The following FAM107B variants were observed in gnomAD, a reference collection of about 807,000 sequenced individuals.
The protein encoded by FAM107B is protein FAM107B.
FAM107B carries 21 observed loss-of-function variants against 31.5 expected under a neutral mutation model. That is an observed-to-expected ratio of 0.67 (90% CI 0.47 to 0.96). The LOEUF (loss-of-function observed/expected upper bound fraction) is 0.96, where lower values mean the gene tolerates loss of function less well. Among genes scored for constraint, FAM107B ranks in the 40% least tolerant of loss-of-function variants. FAM107B has a pLI of 0.00. For synonymous variants in FAM107B, 157 were observed against 141.5 expected, an observed-to-expected ratio of 1.11 and a Z score of -0.78; for missense variants, 452 against 377.1, an observed-to-expected ratio of 1.20 and a Z score of -1.64.
Position 14,519,748 on chromosome 10 carries a change from GCTTT to G in FAM107B, c.*1438_*1441del, listed in dbSNP as rs1422268927. On this transcript the variant is annotated 3_prime_UTR_variant, in exon 5 of 5. Coordinates refer to ENST00000181796, the MANE Select transcript of FAM107B (RefSeq NM_031453.4). ...TAAGGATTCAAAAGCTCTAGATCCAGCTTTCTATGAGTCTTCAAAGAAAGTATGA... is the reference window on the plus strand; with the variant it reads ...TAAGGATTCAAAAGCTCTAGATCCAGCTATGAGTCTTCAAAGAAAGTATGA... The G allele has an allele frequency of 6.6e-6, 1 of 152,176 alleles. No individual in the cohort carries two copies. The highest frequency in any genetic ancestry group is 1.9e-4 in the East Asian group (1 of 5,200). The allele number at this position is 152,176 out of a possible 1,614,324, so 9.4% of individuals were successfully genotyped here. A position where few individuals can be genotyped will look rare whatever the true frequency, so the allele number is the denominator to read the frequency against.
intron 2 of FAM107B, among the ~76,000 whole-genome samples, chr10:14,563,323 T>G (rs1850397110): frequency 6.6e-6 from 1 of 152,136 alleles, no homozygotes; most frequent in African/African-American, 2.4e-5. Flanking sequence ...ATAAAGAAAA[T>G]TTCCCCCATG....
intron 1 of FAM107B, among the ~76,000 whole-genome samples, chr10:14,767,087 G>GAGAGAGAGAGAGAC (rs1187895434): frequency 9.0e-6 from 1 of 111,330 alleles, no homozygotes; most frequent in Non-Finnish European, 1.8e-5. Context: ...GAGAGAGAGA[G>GAGAGAGAGAGAGAC]AGAGAGAGAG....
intron 1 of FAM107B, among the ~76,000 whole-genome samples, chr10:14,756,156 C>A (rs1315237760): frequency 6.6e-6 from 1 of 152,092 alleles, no homozygotes; most frequent in Admixed American, 6.6e-5. Context: ...TCAGGGGGAG[C>A]TTTATGGTAT....
chr10:14,520,139 T>G lies in FAM107B; in HGVS notation c.*1051A>C, dbSNP rs897652196. On this transcript the variant is annotated 3_prime_UTR_variant, in exon 5 of 5. Coordinates refer to ENST00000181796, the MANE Select transcript of FAM107B (RefSeq NM_031453.4). ...AAATACATGAGCATTAATCAGAAAT[T>G]TTCAAAGCTTGGATTCTAATGATAT... 1.3e-5 allele frequency: 2 copies of G among 152,528 alleles called. No individual in the cohort carries two copies. The highest frequency in any genetic ancestry group is 2.9e-5 in the Non-Finnish European group (2 of 68,028). The allele number at this position is 152,528 out of a possible 1,614,324, so 9.4% of individuals were successfully genotyped here. A position where few individuals can be genotyped will look rare whatever the true frequency, so the allele number is the denominator to read the frequency against.
At chr10:14,657,032 G>A (rs574080929) in intron 2 of FAM107B, among the ~76,000 whole-genome samples, 1 of 152,238 alleles carries the variant, frequency 6.6e-6, no homozygotes, top group Admixed American at 6.5e-5. Flanking sequence ...CACAGGTGCA[G>A]CTCAGCTCCT....
chr10:14,693,506 C>A (rs1276502504), intron 1 of FAM107B, among the ~76,000 whole-genome samples: 1 of 151,572 alleles, frequency 6.6e-6, no homozygotes, highest in African/African-American at 2.4e-5. Flanking sequence ...CAACAGGACA[C>A]TATGGGATAC....
chr10:14,734,488 G>GTGTTTTTGTTTTTTTTTTTTTTTTTTT (rs558940939), intron 1 of FAM107B, among the ~76,000 whole-genome samples: 1 of 138,544 alleles, frequency 7.2e-6, no homozygotes, highest in African/African-American at 2.7e-5. Context: ...TTTTTGTGAG[G>GTGTTTTTGTTTTTTTTTTTTTTTTTTT]TTTTTTTTTT....
At chr10:14,528,526 A>C (rs1021333469) in intron 3 of FAM107B, among the ~76,000 whole-genome samples, 14 of 152,190 alleles carry the variant, frequency 9.2e-5, no homozygotes, top group African/African-American at 3.4e-4. Context: ...CCCACTTTAT[A>C]GATGAAGAAA....
At chr10:14,592,079 T>C (rs1564590854) in intron 2 of FAM107B, among the ~76,000 whole-genome samples, 1 of 152,196 alleles carries the variant, frequency 6.6e-6, no homozygotes, top group Non-Finnish European at 1.5e-5. Flanking sequence ...AGGGATGAAA[T>C]CAATGCTGGG....
At position 14,626,499 on chromosome 10, in the gene FAM107B, C is replaced by CTTTTT. The variant is rs71505032; in HGVS notation, c.469+41130_469+41134dup. On this transcript the variant is annotated intron_variant, in intron 2 of 4. Coordinates refer to ENST00000181796, the MANE Select transcript of FAM107B (RefSeq NM_031453.4). ...ACAAACTGTGGAATTTGAGGCGGAT[C>CTTTTT]TTTTTTTTCTTTTTTTTTTTTTGAG... 2.6e-4 allele frequency among the ~76,000 whole-genome samples: 28 copies of CTTTTT among 109,032 alleles called. 6 individuals carry two copies. The highest frequency in any genetic ancestry group is 2.5e-4 in the Non-Finnish European group (14 of 55,878). 71.5% of individuals were successfully genotyped at this position (109,032 alleles called of 152,430 possible).
intron 4 of FAM107B, 131 bp downstream of exon 4, chr10:14,521,738 T>A (rs958719080): frequency 2.1e-5 from 28 of 1,346,656 alleles, no homozygotes; most frequent in South Asian, 1.7e-4. Context: ...TTTGCTGACA[T>A]TTGTCTCCAA....
chr10:14,530,670 G>C (rs866048808), intron 2 of FAM107B, among the ~76,000 whole-genome samples, 155 bp from the exon 3 acceptor site: 1 of 152,202 alleles, frequency 6.6e-6, no homozygotes, highest in South Asian at 2.1e-4. Flanking sequence ...AAAGCGCTTG[G>C]AATGTAACTG....
intron 3 of FAM107B, among the ~76,000 whole-genome samples, chr10:14,524,552 ATTAAATC>A (rs373092550): frequency 5.4e-4 from 82 of 152,332 alleles, no homozygotes; most frequent in African/African-American, 1.9e-3. Flanking sequence ...ATATGCACAG[ATTAAATC>A]TTTAATCAGC....
intron 2 of FAM107B, chr10:14,661,567 G>C (rs1854240824): frequency 6.6e-6 from 1 of 152,192 alleles, no homozygotes; most frequent in South Asian, 2.1e-4. Flanking sequence ...CAGGCCTTTG[G>C]ACTTGGACTA....
chr10:14,548,637 C>T (rs1374612201), intron 2 of FAM107B: 8 of 985,324 alleles, frequency 8.1e-6, no homozygotes, highest in African/African-American at 3.5e-5. Flanking sequence ...TCTCCAGCTG[C>T]GAAGGCAGGC....
chr10:14,679,384 G>A (rs963815597), intron 1 of FAM107B, among the ~76,000 whole-genome samples: 60 of 152,110 alleles, frequency 3.9e-4, no homozygotes, highest in African/African-American at 1.4e-3. Context: ...TTTTGCCTTG[G>A]CCTCCCAAAG....
At chr10:14,545,421 A>G (rs73599397) in intron 2 of FAM107B, among the ~76,000 whole-genome samples, 4 of 152,208 alleles carry the variant, frequency 2.6e-5, no homozygotes, top group African/African-American at 4.8e-5. Flanking sequence ...CCCCATTAAT[A>G]TATCTCTTGA....
At chr10:14,576,344 T>C (rs1021089464) in intron 2 of FAM107B, among the ~76,000 whole-genome samples, 1 of 152,088 alleles carries the variant, frequency 6.6e-6, no homozygotes, top group South Asian at 2.1e-4. Context: ...CTGGCAAACA[T>C]GGTGAAACCC....
chr10:14,548,221 T>C (rs1848893583), intron 2 of FAM107B, among the ~76,000 whole-genome samples: 2 of 152,088 alleles, frequency 1.3e-5, no homozygotes, highest in African/African-American at 4.8e-5. Flanking sequence ...CAAGACGTGG[T>C]CCAGGAGCTC....
Sources: allele counts gnomAD v4.1 joint callset (sites outside exome capture counted in the v4.1 genomes callset), GRCh38; gene constraint gnomAD v4.1.1; transcripts MANE v1.5; gene names NCBI Gene and HGNC (gene_info 2026-07-23, HGNC 2026-07-21).